Variants in DOCK1 observed in about 807,000 individuals in gnomAD.
DOCK1 encodes dedicator of cytokinesis 1.
Under a neutral mutation model 262.7 loss-of-function variants are expected in DOCK1, and 138 were observed. The observed-to-expected ratio is 0.53, with a 90% CI of 0.46 to 0.61. The LOEUF (loss-of-function observed/expected upper bound fraction) is 0.61, where lower values mean the gene tolerates loss of function less well. Ranked by LOEUF, DOCK1 falls within the 20% of genes least tolerant of loss-of-function variation. DOCK1 has a pLI of 0.00. For missense variants in DOCK1, 1,908 were observed against 2,370.7 expected, an observed-to-expected ratio of 0.80 and a Z score of 4.05; for synonymous variants, 866 against 867.4, an observed-to-expected ratio of 1.00 and a Z score of 0.03.
intron 19 of DOCK1, among the ~76,000 whole-genome samples, chr10:127,041,588 G>A (rs1020332365): frequency 1.3e-5 from 2 of 152,186 alleles, no homozygotes; most frequent in African/African-American, 2.4e-5. Context: ...GAATGAAACT[G>A]TTGACTCATA....
chr10:127,175,430 C>T lies in DOCK1; in HGVS notation c.2847+47666C>T, dbSNP rs747451108. On this transcript the variant is annotated intron_variant, in intron 27 of 51. Coordinates refer to ENST00000623213, the MANE Select transcript of DOCK1 (RefSeq NM_001290223.2). The surrounding 1 kb of genome is among the most constrained non-coding windows in gnomAD (Gnocchi z 6.3). ...GCCCCGGCGGGGTGTGAGTCTGCGACGGCTGCTCACTACATTCGGGGGACA... is the reference window on the plus strand; with the variant it reads ...GCCCCGGCGGGGTGTGAGTCTGCGATGGCTGCTCACTACATTCGGGGGACA... 8.7e-6 allele frequency: 14 copies of T among 1,612,724 alleles called. No individual in the cohort carries two copies. In the East Asian group the frequency reaches 1.1e-4, roughly 13 times the overall value.
chr10:127,418,117 G>A (rs112288207), intron 44 of DOCK1, among the ~76,000 whole-genome samples: 18 of 152,288 alleles, frequency 1.2e-4, no homozygotes, highest in African/African-American at 4.1e-4. Context: ...CCACATATGT[G>A]CATAGCCACA....
chr10:127,287,522 A>G (rs561829149), intron 29 of DOCK1, among the ~76,000 whole-genome samples: 1 of 152,044 alleles, frequency 6.6e-6, no homozygotes, highest in African/African-American at 2.4e-5. Flanking sequence ...TTATATTGCA[A>G]TGTTTGTTCA....
At chr10:127,262,213 C>CATGTGTGTGT (rs372547717) in intron 29 of DOCK1, among the ~76,000 whole-genome samples, 2 of 126,484 alleles carry the variant, frequency 1.6e-5, no homozygotes, top group African/African-American at 6.1e-5. Flanking sequence ...TGTGTGTGTG[C>CATGTGTGTGT]GTGTGTGTGT....
chr10:127,427,657 C>T (rs185733713), intron 47 of DOCK1, among the ~76,000 whole-genome samples: 4 of 152,320 alleles, frequency 2.6e-5, no homozygotes, highest in African/African-American at 9.6e-5. Context: ...AGCCCCTACT[C>T]CAGGGGCTGA....
intron 25 of DOCK1, among the ~76,000 whole-genome samples, chr10:127,113,689 G>T (rs769290867): frequency 4.6e-5 from 7 of 152,168 alleles, no homozygotes; most frequent in Non-Finnish European, 1.0e-4. Flanking sequence ...CTTCATAGGA[G>T]GCACGTCTTT....
intron 27 of DOCK1, among the ~76,000 whole-genome samples, chr10:127,228,017 C>G (rs1271666372): frequency 1.3e-5 from 2 of 152,214 alleles, no homozygotes; most frequent in Non-Finnish European, 1.5e-5. Flanking sequence ...AGCTTTGACT[C>G]TTTCTTCCCC....
rs189293095 is a variant in DOCK1, at chr10:126,987,223, C to G, written c.228-298C>G. 3.4e-3 allele frequency among the ~76,000 whole-genome samples: 514 copies of G among 152,208 alleles called. 3 individuals are homozygous for G. Among genetic ancestry groups the G allele is most frequent in the Non-Finnish European group, 4.6e-3 (316 of 68,008 alleles). The stretch of plus-strand genomic sequence containing the variant: ...TGAATATACTTTCCTTTTGCCAGAC[C>G]TTGACATTCTGTAGACTTTTAATGG... On this transcript the variant is annotated intron_variant, in intron 4 of 51. Transcript: ENST00000623213.
chr10:127,403,343 C>G (rs2067332304), intron 39 of DOCK1, among the ~76,000 whole-genome samples, 199 bp downstream of exon 39: 1 of 152,090 alleles, frequency 6.6e-6, no homozygotes, highest in South Asian at 2.1e-4. Flanking sequence ...CTTTTTAGTC[C>G]CAAGTCAGCT....
chr10:127,138,253 T>C (rs1225617063), intron 27 of DOCK1, among the ~76,000 whole-genome samples: 3 of 152,230 alleles, frequency 2.0e-5, no homozygotes, highest in Non-Finnish European at 4.4e-5. Context: ...ATCTTTAATA[T>C]TGTGTTAATG....
At chr10:127,339,614 A>AGT (rs1400897768) in intron 30 of DOCK1, among the ~76,000 whole-genome samples, 6 of 143,730 alleles carry the variant, frequency 4.2e-5, no homozygotes, top group Admixed American at 4.1e-4. Context: ...AGAGAGAGAG[A>AGT]GTGTGTGTGT....
At chr10:127,240,483 C>A (rs891510089) in intron 27 of DOCK1, among the ~76,000 whole-genome samples, 2 of 152,000 alleles carry the variant, frequency 1.3e-5, no homozygotes, top group Non-Finnish European at 2.9e-5. Context: ...AGAATGGACA[C>A]CCATTTTCCG....
rs113912577 is a variant in DOCK1 at position 126,925,419 on chromosome 10, C to G, written c.46+19856C>G. ...TTGTTTTTTGAGACGGAGTCTCGCT[C>G]TGTTTCCAGGCTGCAGGGCAGTGGC... On this transcript the variant is annotated intron_variant, in intron 1 of 51. Coordinates refer to ENST00000623213, the MANE Select transcript of DOCK1 (RefSeq NM_001290223.2). Among the ~76,000 whole-genome samples, 1,220 of 152,294 alleles carry G rather than the reference C, an allele frequency of 8.0e-3. 25 individuals carry two copies. The highest frequency in any genetic ancestry group is 0.028 in the African/African-American group (1,149 of 41,556).
intron 1 of DOCK1, among the ~76,000 whole-genome samples, chr10:126,906,654 C>G (rs903086695): frequency 6.6e-6 from 1 of 152,210 alleles, no homozygotes; most frequent in Non-Finnish European, 1.5e-5. Flanking sequence ...CAGCCCCGCG[C>G]CCATTCTGTG....
rs565849547 is a variant in DOCK1, at chr10:126,921,628, G to A, written c.46+16065G>A. On this transcript the variant is annotated intron_variant, in intron 1 of 51. Transcript: ENST00000623213. ...TTACTATAAAGGAATACTTGAGGAC[G>A]GGTGAGAGAGAGAGAGACAGAGATT... is the stretch of plus-strand genomic sequence containing the variant. Among the ~76,000 whole-genome samples the A allele has an allele frequency of 2.1e-4, 31 of 148,802 alleles. No individual in the cohort carries two copies. The Middle Eastern group carries it at 0.014, about 68-fold the overall frequency.
At chr10:127,106,101 G>A (rs1012125290) in intron 23 of DOCK1, 130 bp from the exon 24 acceptor site, 14 of 912,496 alleles carry the variant, frequency 1.5e-5, no homozygotes, top group Admixed American at 7.7e-5. Flanking sequence ...CGTGTTAGCC[G>A]TCAGCCCCTC....
chr10:127,066,977 G>A (rs1366343958), intron 23 of DOCK1, among the ~76,000 whole-genome samples: 1 of 152,246 alleles, frequency 6.6e-6, no homozygotes, highest in African/African-American at 2.4e-5. Context: ...CTATCCCGTG[G>A]TGTTTGGAAA....
chr10:127,287,095 G>A (rs987680074), intron 29 of DOCK1, among the ~76,000 whole-genome samples: 2 of 151,886 alleles, frequency 1.3e-5, no homozygotes, highest in African/African-American at 2.4e-5. Context: ...TTTTAGTAGA[G>A]GCTGGTTTTC....
intron 31 of DOCK1, among the ~76,000 whole-genome samples, chr10:127,350,888 C>T (rs1319358823): frequency 1.3e-5 from 2 of 152,146 alleles, no homozygotes; most frequent in Non-Finnish European, 2.9e-5. Flanking sequence ...GGCTCCAGTG[C>T]TTGCCAGATA....
Sources: gnomAD v4.1 joint callset for allele counts (sites outside exome capture counted in the v4.1 genomes callset) on GRCh38, gnomAD v4.1.1 for gene constraint, Gnocchi (gnomAD v3.1) non-coding constraint, MANE v1.5 for transcripts, NCBI Gene and HGNC (gene_info 2026-07-23, HGNC 2026-07-21) for gene names.